TMEM132D: variants seen among roughly 807,000 people sequenced by gnomAD.
The protein encoded by TMEM132D is transmembrane protein 132D.
TMEM132D carries 21 observed loss-of-function variants against 62.3 expected under a neutral mutation model. The ratio of observed to expected loss-of-function variants is 0.34; its 90% CI spans 0.24 to 0.49. The LOEUF (loss-of-function observed/expected upper bound fraction) is 0.49. Among genes scored for constraint, TMEM132D ranks in the 20% least tolerant of loss-of-function variants. TMEM132D has a pLI of 0.99. For missense variants in TMEM132D, 1,346 were observed against 1,402.8 expected, an observed-to-expected ratio of 0.96 and a Z score of 0.65; for synonymous variants, 621 against 575.6, an observed-to-expected ratio of 1.08 and a Z score of -1.13.
At chr12:129,175,266 G>A (rs148984500) in intron 5 of TMEM132D, among the ~76,000 whole-genome samples, 267 of 152,184 alleles carry the variant, frequency 1.8e-3, no homozygotes, top group African/African-American at 6.1e-3. Flanking sequence ...GTAAGGAAGG[G>A]ATCCAGTTTC....
At chr12:129,185,820 A>G (rs1248952644) in intron 5 of TMEM132D, among the ~76,000 whole-genome samples, 2 of 149,832 alleles carry the variant, frequency 1.3e-5, no homozygotes, top group African/African-American at 4.9e-5. Flanking sequence ...TCATCTATCT[A>G]TCTGTTTTTC....
intron 1 of TMEM132D, among the ~76,000 whole-genome samples, chr12:129,763,432 C>CTTTT (rs3046897): frequency 0.061 from 8,756 of 142,468 alleles, 388 homozygotes; most frequent in South Asian, 0.13. Flanking sequence ...AGATTTCTGG[C>CTTTT]TTTTTTTTTT....
At chr12:129,839,983 A>G (rs1593182403) in intron 1 of TMEM132D, 1 of 152,196 alleles carries the variant, frequency 6.6e-6, no homozygotes, top group African/African-American at 2.4e-5. Context: ...CCTCTTTGCT[A>G]AACTCAAATG....
intron 5 of TMEM132D, among the ~76,000 whole-genome samples, chr12:129,095,348 T>G (rs1875075847): frequency 7.7e-6 from 1 of 130,356 alleles, no homozygotes; most frequent in Non-Finnish European, 1.6e-5. Context: ...GCCTGCTGGT[T>G]TTTTTTTTTT....
chr12:129,536,448 G>T (rs2172324), intron 2 of TMEM132D, among the ~76,000 whole-genome samples: 97,547 of 152,008 alleles, frequency 0.64, 31,734 homozygotes, highest in African/African-American at 0.75. Context: ...TTAACATATT[G>T]TGCAATCACT....
intron 3 of TMEM132D, among the ~76,000 whole-genome samples, chr12:129,482,597 A>G (rs755188375): frequency 2.5e-4 from 38 of 152,202 alleles, no homozygotes; most frequent in Non-Finnish European, 5.0e-4. Context: ...TACTTTACTC[A>G]TTATATGTAC....
intron 3 of TMEM132D, among the ~76,000 whole-genome samples, chr12:129,359,468 C>A (rs978430091): frequency 1.3e-5 from 2 of 152,160 alleles, no homozygotes. Context: ...AGTCAGCAAA[C>A]TCTGGCCAGT....
chr12:129,792,024 A>C (rs563062526), intron 1 of TMEM132D, among the ~76,000 whole-genome samples: 1 of 152,310 alleles, frequency 6.6e-6, no homozygotes, highest in East Asian at 1.9e-4. Context: ...TGAGGGGGCA[A>C]AGCTTTGGGG....
At chr12:129,098,941 G>A (rs955318885) in intron 5 of TMEM132D, among the ~76,000 whole-genome samples, 13 of 152,126 alleles carry the variant, frequency 8.5e-5, no homozygotes, top group Non-Finnish European at 1.3e-4. Flanking sequence ...AGTTCTCTGA[G>A]GTTCCCTTTT....
At chr12:129,190,738 T>C (rs1411942868) in intron 5 of TMEM132D, among the ~76,000 whole-genome samples, 1 of 152,182 alleles carries the variant, frequency 6.6e-6, no homozygotes, top group Non-Finnish European at 1.5e-5. Flanking sequence ...GCAACTCAGG[T>C]TTGTTTCTAA....
chr12:129,901,874 C>CCAA (rs1421020582), intron 1 of TMEM132D, among the ~76,000 whole-genome samples: 3 of 146,384 alleles, frequency 2.0e-5, no homozygotes, highest in South Asian at 2.2e-4. Context: ...CCCCCCGCCC[C>CCAA]AAAAAAAAAA....
intron 4 of TMEM132D, among the ~76,000 whole-genome samples, chr12:129,220,797 A>G (rs146157798): frequency 2.6e-5 from 4 of 152,306 alleles, no homozygotes; most frequent in South Asian, 2.1e-4. Context: ...TTCATGGAAA[A>G]AGAAATAAAC....
chr12:129,438,956 G>GC (rs147868112), intron 3 of TMEM132D, among the ~76,000 whole-genome samples: 2,367 of 152,254 alleles, frequency 0.016, 73 homozygotes, highest in African/African-American at 0.054. Context: ...GTTTCTTATT[G>GC]CAATTCTCTG....
chr12:129,595,062 A>G (rs1878297097), intron 2 of TMEM132D, among the ~76,000 whole-genome samples: 1 of 152,254 alleles, frequency 6.6e-6, no homozygotes, highest in Non-Finnish European at 1.5e-5. Context: ...TCCAAGACAC[A>G]GATCATGTTA....
At chr12:129,202,978 A>G (rs1367212876) in intron 5 of TMEM132D, among the ~76,000 whole-genome samples, 2 of 152,184 alleles carry the variant, frequency 1.3e-5, no homozygotes, top group African/African-American at 4.8e-5. Flanking sequence ...TTTCTTAACC[A>G]CCTGCTACAT....
intron 3 of TMEM132D, among the ~76,000 whole-genome samples, chr12:129,357,540 AAAG>A (rs1870110163): frequency 6.6e-6 from 1 of 151,994 alleles, no homozygotes; most frequent in Admixed American, 6.6e-5. Flanking sequence ...GAAAGGAAAG[AAAG>A]AAAAGAAAGA....
At chr12:129,479,681 T>A (rs922631189) in intron 3 of TMEM132D, among the ~76,000 whole-genome samples, 3 of 152,232 alleles carry the variant, frequency 2.0e-5, no homozygotes, top group African/African-American at 7.2e-5. Flanking sequence ...TGTGAGGGTC[T>A]GAAGAACGCT....
intron 1 of TMEM132D, among the ~76,000 whole-genome samples, chr12:129,805,990 G>A (rs1156583647): frequency 4.8e-5 from 6 of 124,904 alleles, no homozygotes; most frequent in African/African-American, 1.8e-4. Context: ...AAACCACAAT[G>A]AGATACCATC....
At chr12:129,202,744 C>T (rs915449627) in intron 5 of TMEM132D, among the ~76,000 whole-genome samples, 9 of 152,130 alleles carry the variant, frequency 5.9e-5, no homozygotes, top group Non-Finnish European at 1.3e-4. Context: ...TCCTATTTCC[C>T]TTCCTCATGC....
Sources: allele counts gnomAD v4.1 joint callset (sites outside exome capture counted in the v4.1 genomes callset), GRCh38; gene constraint gnomAD v4.1.1; transcripts MANE v1.5; gene names NCBI Gene and HGNC (gene_info 2026-07-23, HGNC 2026-07-21).